ZNF266: variants seen among roughly 807,000 people sequenced by gnomAD.
The protein encoded by ZNF266 is zinc finger protein 1.
In ZNF266, 16 loss-of-function variants were observed where a neutral mutation model predicts 16.4. The observed-to-expected ratio is 0.98, with a 90% CI of 0.66 to 1.48. ZNF266 has a LOEUF of 1.48. Among genes scored for constraint, ZNF266 ranks in the 40% most tolerant of loss-of-function variants. The pLI is 0.00. For missense variants in ZNF266, 738 were observed against 689.1 expected (o/e 1.07, Z -0.79); for synonymous variants, 262 against 237.9 (o/e 1.10, Z -0.93).
At position 9,417,756 on chromosome 19, in the gene ZNF266, A is replaced by G. The variant is rs540529171; in HGVS notation, c.316+72T>C. On this transcript the variant is annotated intron_variant, in intron 9 of 10. Coordinates refer to ENST00000592904, the MANE Select transcript of ZNF266 (RefSeq NM_001370374.1). The stretch of plus-strand genomic sequence containing the variant: ...GAGTGAGACTCCATCTCAAAAAAAA[A>G]AAAAAGTTTCCTCATTATACTTATA... 1.3e-3 allele frequency: 1,787 copies of G among 1,400,406 alleles called. 2 individuals carry two copies. The highest frequency in any genetic ancestry group is 2.1e-3 in the Admixed American group (108 of 52,196). 86.7% of individuals were successfully genotyped at this position (1,400,406 alleles called of 1,614,324 possible). A position where few individuals can be genotyped will look rare whatever the true frequency, so the allele number is the denominator to read the frequency against.
chr19:9,429,520 G>A (rs1021540685), intron 5 of ZNF266, among the ~76,000 whole-genome samples: 13 of 151,620 alleles, frequency 8.6e-5, no homozygotes, highest in African/African-American at 2.2e-4. Context: ...CATCCTAGAC[G>A]ACCTTGTCCT....
In ZNF266 at chr19:9,414,090, C is replaced by G. The variant is rs752422250; in HGVS notation, c.1036G>C (p.Val346Leu). Residue 346 changes from valine to leucine, a missense_variant, in exon 11 of 11, where the codon GTT becomes CTT. Coordinates refer to ENST00000592904, the MANE Select transcript of ZNF266 (RefSeq NM_001370374.1). ...KCKDCGRAFTVSSCLSQHMKI... is the reference protein window; with the variant it reads ...KCKDCGRAFTLSSCLSQHMKI... ...ATATGTTGACTTAAGCAAGAGGAAACAGTGAAGGCTCTCCCACAATCCTTA... is the reference window on the plus strand; with the variant it reads ...ATATGTTGACTTAAGCAAGAGGAAAGAGTGAAGGCTCTCCCACAATCCTTA... 25 of 1,613,202 alleles carry G rather than the reference C, an allele frequency of 1.5e-5. No individual in the cohort carries two copies. The highest frequency in any genetic ancestry group is 2.7e-5 in the African/African-American group (2 of 74,646).
intron 5 of ZNF266, among the ~76,000 whole-genome samples, chr19:9,431,193 G>A (rs114195405): frequency 0.019 from 2,910 of 152,268 alleles, 60 homozygotes; most frequent in African/African-American, 0.044. Flanking sequence ...ATTGCGACAC[G>A]GTGGTCAGCA....
intron 8 of ZNF266, 50 bp from the exon 9 acceptor site, chr19:9,417,958 A>C (rs1260263783): frequency 1.3e-6 from 2 of 1,559,454 alleles, no homozygotes; most frequent in Non-Finnish European, 8.8e-7. Flanking sequence ...GCAAGAGATG[A>C]TAAATCTTTC....
At chr19:9,430,916 T>G (rs1011894763) in intron 5 of ZNF266, among the ~76,000 whole-genome samples, 1 of 152,222 alleles carries the variant, frequency 6.6e-6, no homozygotes, top group Non-Finnish European at 1.5e-5. Flanking sequence ...GGCTGTCTCC[T>G]GAGTTGCTGT....
In ZNF266 at chr19:9,414,115, A is replaced by C; in HGVS notation, c.1011T>G (p.Cys337Trp). The change falls in exon 11 of 11, where the codon TGT (cysteine) becomes TGG (tryptophan). Residue 337 changes from cysteine (C) to tryptophan (W), a missense_variant. Coordinates refer to ENST00000592904, the MANE Select transcript of ZNF266 (RefSeq NM_001370374.1). ...KTHTGEKPYK[C>W]KDCGRAFTVS... Reference sequence around the variant, plus strand: ...CAGTGAAGGCTCTCCCACAATCCTTACATTTATAAGGTTTCTCTCCAGTGT... The same window carrying C: ...CAGTGAAGGCTCTCCCACAATCCTTCCATTTATAAGGTTTCTCTCCAGTGT... 6.2e-7 allele frequency: 1 copy of C among 1,613,784 alleles called. No homozygotes were observed. The highest frequency in any genetic ancestry group is 8.5e-7 in the Non-Finnish European group (1 of 1,179,874).
intron 3 of ZNF266, 131 bp from the exon 4 acceptor site, chr19:9,434,366 C>A (rs1159133606): frequency 6.6e-6 from 1 of 152,190 alleles, no homozygotes; most frequent in Non-Finnish European, 1.5e-5. Context: ...TCCCTAAGAA[C>A]AGCCCTAGGC....
At position 9,413,512 on chromosome 19, in the gene ZNF266, T is replaced by TTTGC; in HGVS notation, c.1610_1613dup (p.Ala539GlnfsTer4). ...TAACACACGTGGGAAACTTAAAAGC[T>TTTGC]TTGCCACATTCCATACACGTGAATG... On this transcript the variant is annotated frameshift_variant, in exon 11 of 11. Coordinates refer to ENST00000592904, the MANE Select transcript of ZNF266 (RefSeq NM_001370374.1). LOFTEE classifies it low-confidence loss of function (END_TRUNC). 3 of 1,613,336 alleles carry TTTGC rather than the reference T, an allele frequency of 1.9e-6. No homozygotes were observed. Among genetic ancestry groups the TTTGC allele is most frequent in the Non-Finnish European group, 2.5e-6 (3 of 1,179,402 alleles).
intron 5 of ZNF266, among the ~76,000 whole-genome samples, chr19:9,424,351 T>A (rs1360967555): frequency 6.6e-6 from 1 of 151,984 alleles, no homozygotes; most frequent in African/African-American, 2.4e-5. Flanking sequence ...GTGTAGAACC[T>A]CCGAGTACTT....
intron 3 of ZNF266, among the ~76,000 whole-genome samples, chr19:9,434,542 G>C (rs564654906): frequency 6.6e-6 from 1 of 152,104 alleles, no homozygotes; most frequent in Admixed American, 6.6e-5. Context: ...ACAATATAAC[G>C]GATAAACAGT....
chr19:9,421,502 T>C (rs2069879381), intron 5 of ZNF266, among the ~76,000 whole-genome samples: 1 of 152,206 alleles, frequency 6.6e-6, no homozygotes, highest in African/African-American at 2.4e-5. Flanking sequence ...CTAAACAAGA[T>C]ATAAAACATG....
At chr19:9,432,239 G>A (rs543213468) in intron 5 of ZNF266, among the ~76,000 whole-genome samples, 5 of 152,306 alleles carry the variant, frequency 3.3e-5, no homozygotes, top group South Asian at 2.1e-4. Flanking sequence ...GATTACAGGC[G>A]TGAGCCACTG....
intron 4 of ZNF266, 120 bp from the exon 5 acceptor site, chr19:9,433,906 G>T (rs1417084797): frequency 2.0e-5 from 3 of 152,082 alleles, no homozygotes; most frequent in African/African-American, 7.2e-5. Flanking sequence ...AGAGGTGGAG[G>T]TTACAGTGTT....
chr19:9,414,881 C>A (rs2068749814), intron 10 of ZNF266, among the ~76,000 whole-genome samples, 161 bp from the exon 11 acceptor site: 1 of 152,308 alleles, frequency 6.6e-6, no homozygotes, highest in East Asian at 1.9e-4. Context: ...AGCGGAATGA[C>A]AAAAAACTCC....
In ZNF266 at chr19:9,414,618, C is replaced by T. The variant is rs148491718; in HGVS notation, c.508G>A (p.Glu170Lys). The change falls in exon 11 of 11, where the codon GAG (glutamate) becomes AAG (lysine). Residue 170 changes from glutamate (E) to lysine (K), a missense_variant. Coordinates refer to ENST00000592904, the MANE Select transcript of ZNF266 (RefSeq NM_001370374.1). ...TACAGATAACACTCAAATGTGTTCT[C>T]ACTATTTTGAGTTCTCACATGTGTC... ...LKTHVRTQNS[E>K]NTFECYLYGV... is the part of the protein sequence containing the mutation. 2.6e-5 allele frequency: 42 copies of T among 1,611,204 alleles called. No individual in the cohort carries two copies. The highest frequency in any genetic ancestry group is 3.3e-5 in the Non-Finnish European group (39 of 1,177,642).
Position 9,413,327 on chromosome 19 carries a change from C to G in ZNF266, c.1799G>C (p.Ser600Thr), listed in dbSNP as rs765035509. Residue 600 changes from serine (S) to threonine (T), a missense_variant, in exon 11 of 11, where the codon AGT becomes ACT. Ser to Thr is a moderately conservative substitution (Grantham distance 58). Coordinates refer to ENST00000592904, the MANE Select transcript of ZNF266 (RefSeq NM_001370374.1). ...CCTTCTTTCATGATTTCGAAAGGAA[C>G]TGGAAGAACTGAAGGCTTTCCCGCA... Reference protein sequence around the residue: ...KECGKAFSSSSSFRNHERRHA... With the variant: ...KECGKAFSSSTSFRNHERRHA... 12 of 1,609,466 alleles carry G rather than the reference C, an allele frequency of 7.5e-6. No individual in the cohort carries two copies. The African/African-American group carries it at 1.5e-4, about 20-fold the overall frequency.
chr19:9,422,572 T>G (rs1471089752), intron 5 of ZNF266, among the ~76,000 whole-genome samples: 1 of 152,222 alleles, frequency 6.6e-6, no homozygotes, highest in Non-Finnish European at 1.5e-5. Flanking sequence ...TTTAGTGCTC[T>G]CAGTCTTGTA....
chr19:9,418,734 C>A, intron 7 of ZNF266, 103 bp from the exon 8 acceptor site: 2 of 625,914 alleles, frequency 3.2e-6, no homozygotes, highest in Non-Finnish European at 5.8e-6. Flanking sequence ...ATTGCCCACC[C>A]CAGGAGGTCC....
chr19:9,418,876 G>A, intron 7 of ZNF266: 2 of 332,874 alleles, frequency 6.0e-6, no homozygotes, highest in African/African-American at 4.2e-5. Flanking sequence ...GCACACTCTT[G>A]AGCAGATGCT....
Sources: allele counts gnomAD v4.1 joint callset (sites outside exome capture counted in the v4.1 genomes callset), GRCh38; gene constraint gnomAD v4.1.1; transcripts MANE v1.5; gene names NCBI Gene and HGNC (gene_info 2026-07-23, HGNC 2026-07-21).